Variants in SGK1 observed in about 807,000 individuals in gnomAD.
SGK1 encodes the protein serine/threonine-protein kinase Sgk1.
Under a neutral mutation model 64.2 loss-of-function variants are expected in SGK1, and 26 were observed. The ratio of observed to expected loss-of-function variants is 0.40; its 90% CI spans 0.30 to 0.56. SGK1 has a LOEUF of 0.56. Ranked by LOEUF, SGK1 falls within the 20% of genes least tolerant of loss-of-function variation. The pLI is 0.38. For missense variants in SGK1, 519 were observed against 645.6 expected (o/e 0.80, Z 2.12); for synonymous variants, 265 against 239.7 (o/e 1.11, Z -0.98).
intron 2 of SGK1, among the ~76,000 whole-genome samples, chr6:134,250,977 A>G (rs1484054172): frequency 6.6e-6 from 1 of 152,042 alleles, no homozygotes; most frequent in East Asian, 1.9e-4. Context: ...GGGTCTCACT[A>G]TGTTGCCCAG....
intron 2 of SGK1, among the ~76,000 whole-genome samples, chr6:134,240,813 C>T (rs1280995302): frequency 2.0e-5 from 3 of 152,010 alleles, no homozygotes; most frequent in Non-Finnish European, 2.9e-5. Flanking sequence ...GAAGTGTCTT[C>T]GAGGTTAGTA....
intron 1 of SGK1, among the ~76,000 whole-genome samples, chr6:134,283,823 A>G (rs1394126777): frequency 2.3e-5 from 3 of 131,200 alleles, no homozygotes; most frequent in African/African-American, 8.6e-5. Flanking sequence ...TGATCGCAGC[A>G]CTGCACTCCA....
At chr6:134,273,592 CAAAAAAAAAAAAAAA>C (rs58634499) in intron 1 of SGK1, among the ~76,000 whole-genome samples, 13 of 16,222 alleles carry the variant, frequency 8.0e-4, no homozygotes, top group Middle Eastern at 0.1. Flanking sequence ...GACTCCGTCT[CAAAAAAAAAAAAAAA>C]AAAAAAAAAA....
chr6:134,242,771 T>G (rs116179518), intron 2 of SGK1, among the ~76,000 whole-genome samples: 1,871 of 152,266 alleles, frequency 0.012, 36 homozygotes, highest in African/African-American at 0.041. Context: ...ATCCTAGAAT[T>G]TTTTAAATTT....
At chr6:134,292,369 G>A (rs542020268) in intron 1 of SGK1, among the ~76,000 whole-genome samples, 547 of 152,184 alleles carry the variant, frequency 3.6e-3, no homozygotes, top group Non-Finnish European at 4.4e-3. Flanking sequence ...GAGGCGGGTG[G>A]ATCACCTGAA....
At chr6:134,183,104 T>C (rs1775356750) in intron 3 of SGK1, among the ~76,000 whole-genome samples, 1 of 152,230 alleles carries the variant, frequency 6.6e-6, no homozygotes, top group South Asian at 2.1e-4. Context: ...AAGATCCAGC[T>C]GAACCTAGCC....
At chr6:134,219,760 CAAA>C (rs55704631) in intron 2 of SGK1, among the ~76,000 whole-genome samples, 1 of 122,428 alleles carries the variant, frequency 8.2e-6, no homozygotes, top group Non-Finnish European at 1.6e-5. Context: ...AACTCTGTCT[CAAA>C]AAAAAAAAAA....
At chr6:134,204,896 A>G (rs1038126724) in intron 3 of SGK1, among the ~76,000 whole-genome samples, 2 of 151,730 alleles carry the variant, frequency 1.3e-5, no homozygotes, top group African/African-American at 4.8e-5. Flanking sequence ...TCCAAGCAAC[A>G]TTTTCTTTTT....
chr6:134,291,730 G>A (rs543994424), intron 1 of SGK1, among the ~76,000 whole-genome samples: 5 of 152,288 alleles, frequency 3.3e-5, no homozygotes, highest in African/African-American at 1.2e-4. Flanking sequence ...ACTGTTGCCT[G>A]ATTCTAAAAT....
At chr6:134,237,965 A>G (rs1776389268) in intron 2 of SGK1, among the ~76,000 whole-genome samples, 1 of 152,218 alleles carries the variant, frequency 6.6e-6, no homozygotes, top group Non-Finnish European at 1.5e-5. Context: ...ATTTTATACC[A>G]GAAAAAGTGT....
chr6:134,256,683 C>T (rs571494092), intron 2 of SGK1, among the ~76,000 whole-genome samples: 28 of 152,270 alleles, frequency 1.8e-4, no homozygotes, highest in African/African-American at 6.5e-4. Context: ...AACATGTGTT[C>T]CAGTAGCATG....
intron 11 of SGK1, 172 bp downstream of exon 11, chr6:134,171,465 A>G (rs1775023726): frequency 3.2e-6 from 2 of 620,252 alleles, no homozygotes; most frequent in South Asian, 2.0e-5. Flanking sequence ...GAAATGCACA[A>G]AAGAACCAGG....
At position 134,170,304 on chromosome 6, in the gene SGK1, G is replaced by A; in HGVS notation, c.1545C>T (p.Gly515=). The change falls in exon 14 of 14, where the codon GGC becomes GGT. Residue 515 remains glycine (G), a synonymous_variant. Coordinates refer to ENST00000367858, the MANE Select transcript of SGK1 (RefSeq NM_001143676.3). ...SVKEAAEAFL[G]FSYAPPTDSF... is the part of the protein sequence containing the mutation. ...AGTCCGTGGGAGGCGCATAGGAAAA[G>A]CCTAGGAAAGCCTCGGCAGCTTCCT... is the stretch of plus-strand genomic sequence containing the variant. The A allele has an allele frequency of 3.7e-6, 6 of 1,613,890 alleles. No individual in the cohort carries two copies. The highest frequency in any genetic ancestry group is 5.1e-6 in the Non-Finnish European group (6 of 1,179,856).
intron 3 of SGK1, among the ~76,000 whole-genome samples, chr6:134,206,489 A>G (rs899139758): frequency 9.4e-5 from 14 of 148,640 alleles, no homozygotes; most frequent in African/African-American, 2.2e-4. Flanking sequence ...AAACCCAATC[A>G]TCACACTTAT....
At chr6:134,175,054 G>GGC (rs1003438722) in intron 3 of SGK1, among the ~76,000 whole-genome samples, 2 of 152,114 alleles carry the variant, frequency 1.3e-5, no homozygotes, top group African/African-American at 4.8e-5. Flanking sequence ...CCCGGGCGGG[G>GGC]GCGCGAGGAC....
intron 1 of SGK1, among the ~76,000 whole-genome samples, chr6:134,280,169 TGGGCAACA>T (rs1244559673): frequency 6.0e-4 from 84 of 139,326 alleles, no homozygotes; most frequent in Admixed American, 1.4e-3. Context: ...CACTCCAGCC[TGGGCAACA>T]GGCAGAATGA....
At position 134,317,654 on chromosome 6, in the gene SGK1, T is replaced by A; in HGVS notation, c.-194A>T. On this transcript the variant is annotated 5_prime_UTR_variant, in exon 1 of 14. Transcript: ENST00000367858. ...GCAGCAACCTCTCCCCACTTTCAGTTGCCACCGACAGCGGCTTTTCTCCTT... is the reference window on the plus strand; with the variant it reads ...GCAGCAACCTCTCCCCACTTTCAGTAGCCACCGACAGCGGCTTTTCTCCTT... 1.7e-6 allele frequency: 1 copy of A among 596,696 alleles called. No homozygotes were observed. The allele number at this position is 596,696 out of a possible 1,614,324, so 37.0% of individuals were successfully genotyped here. A position where few individuals can be genotyped will look rare whatever the true frequency, so the allele number is the denominator to read the frequency against.
chr6:134,215,292 G>T (rs112746303), intron 2 of SGK1, among the ~76,000 whole-genome samples: 27,089 of 151,260 alleles, frequency 0.18, 3,106 homozygotes, highest in African/African-American at 0.33. Context: ...ATTTTTGTAT[G>T]TTTAGTAGAG....
chr6:134,246,011 C>G (rs538736937), intron 2 of SGK1, among the ~76,000 whole-genome samples: 1 of 152,112 alleles, frequency 6.6e-6, no homozygotes, highest in Non-Finnish European at 1.5e-5. Flanking sequence ...ATTTAATGAA[C>G]AGGCTTGGAT....
Sources: allele counts gnomAD v4.1 joint callset (sites outside exome capture counted in the v4.1 genomes callset), GRCh38; gene constraint gnomAD v4.1.1; transcripts MANE v1.5; gene names NCBI Gene and HGNC (gene_info 2026-07-23, HGNC 2026-07-21).